OSBPL10: variants seen among roughly 807,000 people sequenced by gnomAD.
OSBPL10 encodes oxysterol-binding protein-related protein 10.
Under a neutral mutation model 81.7 loss-of-function variants are expected in OSBPL10, and 49 were observed. The observed-to-expected ratio is 0.60, with a 90% CI of 0.48 to 0.76. OSBPL10 has a LOEUF of 0.76. Among genes scored for constraint, OSBPL10 ranks in the 30% least tolerant of loss-of-function variants. The pLI, the probability that OSBPL10 is intolerant of heterozygous loss-of-function variation, is 0.00. For missense variants in OSBPL10, 923 were observed against 987.8 expected, an observed-to-expected ratio of 0.93 and a Z score of 0.88; for synonymous variants, 419 against 383.6, an observed-to-expected ratio of 1.09 and a Z score of -1.08.
chr3:31,890,127 C>CAA (rs201495478), intron 1 of OSBPL10, among the ~76,000 whole-genome samples: 1 of 150,564 alleles, frequency 6.6e-6, no homozygotes, highest in African/African-American at 2.5e-5. Flanking sequence ...CCCTCAAGTA[C>CAA]AAAAAACAGT....
At chr3:31,777,596 G>A (rs1373244007) in intron 4 of OSBPL10, among the ~76,000 whole-genome samples, 2 of 152,180 alleles carry the variant, frequency 1.3e-5, no homozygotes, top group Non-Finnish European at 1.5e-5. Flanking sequence ...TTGTGAAAGT[G>A]TACTAGGAAA....
intron 2 of OSBPL10, among the ~76,000 whole-genome samples, chr3:32,010,161 AG>A (rs1699240260): frequency 6.6e-6 from 1 of 151,334 alleles, no homozygotes; most frequent in Non-Finnish European, 1.5e-5. Flanking sequence ...TTTAAGAGGA[AG>A]AGAGACAGAA....
chr3:31,862,265 C>G (rs1457773733), intron 3 of OSBPL10, among the ~76,000 whole-genome samples: 4 of 152,118 alleles, frequency 2.6e-5, no homozygotes, highest in Admixed American at 1.3e-4. Context: ...CTGTGGCTAT[C>G]TTTAATGTGC....
Position 31,668,940 on chromosome 3 carries a change from G to A in OSBPL10, c.1914-116C>T, listed in dbSNP as rs1700262539. 7 of 900,134 alleles carry A rather than the reference G, an allele frequency of 7.8e-6. No individual in the cohort carries two copies. In the South Asian group the frequency reaches 1.9e-4, roughly 25 times the overall value. The allele number at this position is 900,134 out of a possible 1,614,324, so 55.8% of individuals were successfully genotyped here. On this transcript the variant is annotated intron_variant, in intron 9 of 11. Coordinates refer to ENST00000396556, the MANE Select transcript of OSBPL10 (RefSeq NM_017784.5). The stretch of plus-strand genomic sequence containing the variant: ...TAATCAGAAATGGGAAGGAGGGATT[G>A]TTTTTGCAGCTTTGCTCAAAGACTA...
intron 1 of OSBPL10, among the ~76,000 whole-genome samples, chr3:31,975,304 A>G (rs953773270): frequency 3.9e-5 from 6 of 152,208 alleles, no homozygotes; most frequent in Admixed American, 6.5e-5. Flanking sequence ...GATATTTCCT[A>G]TGTACACGCG....
At chr3:31,740,084 C>T (rs1027545527) in intron 5 of OSBPL10, among the ~76,000 whole-genome samples, 1 of 147,794 alleles carries the variant, frequency 6.8e-6, no homozygotes. Context: ...TGCTTTGTTG[C>T]ACAGGCTGGA....
rs115257469 is a variant in OSBPL10, at chr3:31,816,955, T to C, written c.729+13085A>G. Among the ~76,000 whole-genome samples the C allele has an allele frequency of 6.2e-3, 948 of 152,182 alleles. 12 individuals carry two copies. The highest frequency in any genetic ancestry group is 0.022 in the African/African-American group (913 of 41,504). On this transcript the variant is annotated intron_variant, in intron 4 of 11. Transcript: ENST00000396556. ...CATCTCCAGCTATCAGCAGAGAGGGTACTCCACTCTGCAGCTCATCATCCC... is the reference window on the plus strand; with the variant it reads ...CATCTCCAGCTATCAGCAGAGAGGGCACTCCACTCTGCAGCTCATCATCCC...
At chr3:31,907,613 C>T (rs1203896719) in intron 1 of OSBPL10, among the ~76,000 whole-genome samples, 1 of 98,116 alleles carries the variant, frequency 1.0e-5, no homozygotes, top group African/African-American at 4.8e-5. Flanking sequence ...GGTGAGACCT[C>T]CATCTCAAAA....
chr3:31,760,320 T>C (rs1045586540), intron 4 of OSBPL10, among the ~76,000 whole-genome samples: 1 of 152,140 alleles, frequency 6.6e-6, no homozygotes. Context: ...AGTTCAAACC[T>C]GCGCTGTTCA....
intron 1 of OSBPL10, among the ~76,000 whole-genome samples, chr3:32,048,370 C>T (rs1338507655): frequency 2.0e-5 from 3 of 149,250 alleles, no homozygotes; most frequent in Admixed American, 6.7e-5. Context: ...TGCAATGGCA[C>T]GATCTCCGCT....
chr3:31,705,206 G>C (rs1297346018), intron 6 of OSBPL10, among the ~76,000 whole-genome samples: 1 of 152,184 alleles, frequency 6.6e-6, no homozygotes, highest in Non-Finnish European at 1.5e-5. Context: ...CAGCCTCTGA[G>C]AACTTGCCCT....
At chr3:31,813,566 T>C (rs1008682607) in intron 4 of OSBPL10, among the ~76,000 whole-genome samples, 11 of 152,318 alleles carry the variant, frequency 7.2e-5, no homozygotes, top group African/African-American at 2.2e-4. Context: ...AGAAATTACA[T>C]GTAAAGTAAA....
At position 31,936,942 on chromosome 3, in the gene OSBPL10, AAAG is replaced by A. The variant is rs372446089; in HGVS notation, c.281+43954_281+43956del. Among the ~76,000 whole-genome samples, 360 of 152,316 alleles carry A rather than the reference AAAG, an allele frequency of 2.4e-3. 2 individuals carry two copies. Among genetic ancestry groups the A allele is most frequent in the African/African-American group, 8.3e-3 (345 of 41,574 alleles). On this transcript the variant is annotated intron_variant, in intron 1 of 11. Coordinates refer to ENST00000396556, the MANE Select transcript of OSBPL10 (RefSeq NM_017784.5). ...CTGCTTTCTAGATACCAGGAAAAAA[AAAG>A]AAGCAGTTGAGATTATTCACTCTTC...
chr3:31,819,269 CCT>C (rs1174755641), intron 4 of OSBPL10, among the ~76,000 whole-genome samples: 1 of 152,190 alleles, frequency 6.6e-6, no homozygotes, highest in Non-Finnish European at 1.5e-5. Flanking sequence ...GAGGTTCTCC[CCT>C]CTCTGAGACC....
chr3:31,664,775 A>G (rs886681842), intron 10 of OSBPL10, among the ~76,000 whole-genome samples: 2 of 152,140 alleles, frequency 1.3e-5, no homozygotes, highest in Admixed American at 6.5e-5. Context: ...AGGCTGATGC[A>G]TGTGTGATGT....
At chr3:31,738,152 G>A (rs1158138853) in intron 5 of OSBPL10, among the ~76,000 whole-genome samples, 1 of 152,060 alleles carries the variant, frequency 6.6e-6, no homozygotes, top group African/African-American at 2.4e-5. Context: ...AACTGTGGGG[G>A]CTGCTTAAAG....
intron 1 of OSBPL10, among the ~76,000 whole-genome samples, chr3:31,949,667 CAAAAAAAAAAAAAA>C (rs56002214): frequency 6.9e-4 from 18 of 26,258 alleles, no homozygotes; most frequent in East Asian, 4.7e-3. Context: ...GACTCTGTCT[CAAAAAAAAAAAAAA>C]AAAAAAAAAA....
chr3:32,065,539 T>C (rs1452700622), intron 1 of OSBPL10: 1 of 91,794 alleles, frequency 1.1e-5, no homozygotes, highest in African/African-American at 2.8e-5. Context: ...CTTCTCTCTC[T>C]GTCCTTGTAG....
At chr3:31,876,212 G>A (rs927075768) in intron 3 of OSBPL10, among the ~76,000 whole-genome samples, 3 of 151,992 alleles carry the variant, frequency 2.0e-5, no homozygotes, top group South Asian at 2.1e-4. Context: ...TTCCAGATTC[G>A]GTTCCCATAG....
Sources: gnomAD v4.1 joint callset for allele counts (sites outside exome capture counted in the v4.1 genomes callset) on GRCh38, gnomAD v4.1.1 for gene constraint, MANE v1.5 for transcripts, NCBI Gene and HGNC (gene_info 2026-07-23, HGNC 2026-07-21) for gene names.